CMTM4: variants seen among roughly 807,000 people sequenced by gnomAD.
CMTM4 encodes the protein CKLF like MARVEL transmembrane domain containing 4, also known as CKLF-like MARVEL transmembrane domain-containing protein 4.
Under a neutral mutation model 19.0 loss-of-function variants are expected in CMTM4, and 8 were observed. The observed-to-expected ratio is 0.42, with a 90% CI of 0.25 to 0.76. The LOEUF is 0.76. Ranked by LOEUF, CMTM4 falls within the 30% of genes least tolerant of loss-of-function variation. The pLI is 0.27. For missense variants in CMTM4, 228 were observed against 290.2 expected (o/e 0.79, Z 1.56); for synonymous variants, 106 against 121.1 (o/e 0.88, Z 0.82).
At chr16:66,607,700 A>C in the CMTM4 span, among the ~76,000 whole-genome samples, 1 of 152,020 alleles carries the variant, frequency 6.6e-6, no homozygotes, top group South Asian at 2.1e-4. Flanking sequence ...CAGGGCACTG[A>C]GTGGAGTGCA....
intron 1 of CMTM4, among the ~76,000 whole-genome samples, chr16:66,692,823 C>G (rs1028074323): frequency 6.6e-6 from 1 of 151,738 alleles, no homozygotes; most frequent in Admixed American, 6.6e-5. Flanking sequence ...AGGAGAATCA[C>G]TTGAACCTGG....
intron 1 of CMTM4, among the ~76,000 whole-genome samples, chr16:66,647,323 C>CAAA (rs58483961): frequency 5.6e-4 from 35 of 62,448 alleles, no homozygotes; most frequent in East Asian, 3.4e-3. Context: ...GACTCTGTCT[C>CAAA]AAAAAAAAAA....
At chr16:66,625,434 CAAAAAAAA>C (rs565431475) in intron 2 of CMTM4, among the ~76,000 whole-genome samples, 1 of 76,432 alleles carries the variant, frequency 1.3e-5, no homozygotes, top group Admixed American at 1.5e-4. Flanking sequence ...AACTCTGTCT[CAAAAAAAA>C]AAAAAAAGAA....
In CMTM4 at chr16:66,618,005, T is replaced by C. The variant is rs561998028; in HGVS notation, c.*4053A>G. On this transcript the variant is annotated 3_prime_UTR_variant, in exon 4 of 4. Transcript: ENST00000394106. ...AGACAGGTGGGGTGTTCCAGGCCAC[T>C]GCTTCCTCCCTTATCTCCCAGACCT... 5 of 985,654 alleles carry C rather than the reference T, an allele frequency of 5.1e-6. No homozygotes were observed. The East Asian group carries it at 3.4e-4, about 67-fold the overall frequency. The allele number at this position is 985,654 out of a possible 1,614,324, so 61.1% of individuals were successfully genotyped here. A position where few individuals can be genotyped will look rare whatever the true frequency, so the allele number is the denominator to read the frequency against.
At chr16:66,613,297 A>G (rs1393343254), downstream of CMTM4, 2 of 605,606 alleles carry the variant, frequency 3.3e-6, no homozygotes, top group Admixed American at 2.8e-5. Context: ...TGGGTCTAAG[A>G]CTGTTTCAAA....
chr16:66,647,202 T>C (rs1376858989), intron 1 of CMTM4, among the ~76,000 whole-genome samples: 1 of 150,522 alleles, frequency 6.6e-6, no homozygotes, highest in Non-Finnish European at 1.5e-5. Flanking sequence ...CAGGTGCCTG[T>C]AGTCCCAGCT....
chr16:66,642,184 T>C (rs1596923714), intron 1 of CMTM4, among the ~76,000 whole-genome samples: 2 of 152,176 alleles, frequency 1.3e-5, no homozygotes, highest in South Asian at 4.1e-4. Flanking sequence ...AGGGCTCAGA[T>C]AAAGTGATAC....
chr16:66,655,110 A>G (rs1300148116), intron 1 of CMTM4, among the ~76,000 whole-genome samples: 1 of 152,038 alleles, frequency 6.6e-6, no homozygotes, highest in Non-Finnish European at 1.5e-5. Context: ...CAGCCTCCCA[A>G]GCAGCTGGTA....
At chr16:66,675,961 G>A (rs930283106) in intron 1 of CMTM4, among the ~76,000 whole-genome samples, 1 of 151,352 alleles carries the variant, frequency 6.6e-6, no homozygotes, top group African/African-American at 2.4e-5. Flanking sequence ...CAGTCTCCTC[G>A]TACTCTTCCC....
intron 1 of CMTM4, among the ~76,000 whole-genome samples, chr16:66,644,811 A>G (rs936714288): frequency 3.9e-5 from 6 of 152,218 alleles, no homozygotes; most frequent in African/African-American, 1.4e-4. Context: ...ACATCAACAG[A>G]TGCTCAACTT....
downstream of CMTM4, among the ~76,000 whole-genome samples, chr16:66,612,074 G>GGT (rs963303909): frequency 6.6e-6 from 1 of 152,124 alleles, no homozygotes; most frequent in Admixed American, 6.5e-5. The surrounding 1 kb of genome is among the most constrained non-coding windows in gnomAD (Gnocchi z 6.0). Context: ...TCAGTCTTGG[G>GGT]GTGGAAACAC....
chr16:66,687,492 C>A (rs76373056), intron 1 of CMTM4, among the ~76,000 whole-genome samples: 1 of 151,478 alleles, frequency 6.6e-6, no homozygotes, highest in African/African-American at 2.4e-5. Context: ...ATAGCGAGAC[C>A]GTCTCAAAAA....
intron 2 of CMTM4, among the ~76,000 whole-genome samples, chr16:66,632,341 G>A (rs780162352): frequency 4.6e-5 from 7 of 152,260 alleles, no homozygotes; most frequent in South Asian, 2.1e-4. Flanking sequence ...GATGAATTGC[G>A]GAAGACCACC....
At chr16:66,683,211 A>ATACATATATATATATATAT (rs56285710) in intron 1 of CMTM4, among the ~76,000 whole-genome samples, 1 of 140,010 alleles carries the variant, frequency 7.1e-6, no homozygotes, top group Non-Finnish European at 1.5e-5. Flanking sequence ...ATATATATAT[A>ATACATATATATATATATAT]AATTTTCCCC....
At chr16:66,647,091 G>C (rs1567414792) in intron 1 of CMTM4, among the ~76,000 whole-genome samples, 1 of 150,560 alleles carries the variant, frequency 6.6e-6, no homozygotes, top group Non-Finnish European at 1.5e-5. Flanking sequence ...CGAGGTGGGT[G>C]GATCATGAAG....
At chr16:66,625,579 AG>A (rs35248209) in intron 2 of CMTM4, among the ~76,000 whole-genome samples, 3 of 152,216 alleles carry the variant, frequency 2.0e-5, no homozygotes, top group African/African-American at 7.2e-5. Context: ...CAGCAAATAC[AG>A]GGAAAAAATA....
intron 1 of CMTM4, among the ~76,000 whole-genome samples, chr16:66,643,751 TTTA>T (rs914165599): frequency 1.3e-5 from 2 of 151,892 alleles, no homozygotes; most frequent in Non-Finnish European, 2.9e-5. Context: ...ACTTCTTATT[TTTA>T]TTATTATTAT....
At chr16:66,688,583 A>G (rs2017079170) in intron 1 of CMTM4, among the ~76,000 whole-genome samples, 1 of 152,052 alleles carries the variant, frequency 6.6e-6, no homozygotes, top group African/African-American at 2.4e-5. Flanking sequence ...ACTTCATGTC[A>G]TTGTTCTCTC....
chr16:66,618,930 C>T lies in CMTM4; in HGVS notation c.*3128G>A. The T allele has an allele frequency of 1.0e-6, 1 of 985,516 alleles. No individual in the cohort carries two copies. The highest frequency in any genetic ancestry group is 1.2e-6 in the Non-Finnish European group (1 of 829,970). 61.0% of individuals were successfully genotyped at this position (985,516 alleles called of 1,614,324 possible). On this transcript the variant is annotated 3_prime_UTR_variant, in exon 4 of 4. Transcript: ENST00000394106. ...AGCGCTCAGAGCTGGGCCGGACTTGCCCATGCTGGCTTCAGCTCACATTGC... is the reference window on the plus strand; with the variant it reads ...AGCGCTCAGAGCTGGGCCGGACTTGTCCATGCTGGCTTCAGCTCACATTGC...
Sources: allele counts gnomAD v4.1 joint callset (sites outside exome capture counted in the v4.1 genomes callset), GRCh38; gene constraint gnomAD v4.1.1; non-coding constraint Gnocchi (gnomAD v3.1); transcripts MANE v1.5; gene names NCBI Gene and HGNC (gene_info 2026-07-23, HGNC 2026-07-21).